The following TTC27 variants were observed in gnomAD, a reference collection of about 807,000 sequenced individuals.
TTC27 encodes the protein tetratricopeptide repeat protein 27.
TTC27 carries 79 observed loss-of-function variants against 115.9 expected under a neutral mutation model. That is an observed-to-expected ratio of 0.68 (90% confidence interval 0.57 to 0.82). The LOEUF (loss-of-function observed/expected upper bound fraction) is 0.82, where lower values mean the gene tolerates loss of function less well. Among genes scored for constraint, TTC27 ranks in the 40% least tolerant of loss-of-function variants. The probability of loss-of-function intolerance (pLI) is 0.00; values close to 1 mark genes in which losing one functional copy is unlikely to be tolerated. For missense variants in TTC27, 1,054 were observed against 993.1 expected (o/e 1.06, Z -0.82); for synonymous variants, 401 against 356.0 (o/e 1.13, Z -1.42).
chr2:32,683,536 G>A (rs1171302900), intron 9 of TTC27, among the ~76,000 whole-genome samples: 2 of 152,144 alleles, frequency 1.3e-5, no homozygotes, highest in Admixed American at 6.5e-5. Context: ...AATATGCTGG[G>A]AAAATGTTTT....
At chr2:32,767,065 C>T (rs1370119530) in intron 13 of TTC27, among the ~76,000 whole-genome samples, 3 of 152,180 alleles carry the variant, frequency 2.0e-5, no homozygotes, top group Non-Finnish European at 2.9e-5. Flanking sequence ...GGATTATAGG[C>T]GTCAGCCACC....
In TTC27 at chr2:32,628,315, T is replaced by C. The variant is rs377215248; in HGVS notation, c.23T>C (p.Ile8Thr). Reference protein sequence around the residue: MWTPELAILRGFPTEAER... With the variant: MWTPELATLRGFPTEAER... ...GTGATGTGGACCCCGGAGCTGGCAA[T>C]TCTGAGGGGATTCCCCACTGAGGCT... The change falls in exon 1 of 20, where the codon ATT becomes ACT. Residue 8 changes from isoleucine (I) to threonine (T), a missense_variant. Transcript: ENST00000317907. The C allele has an allele frequency of 2.5e-6, 4 of 1,607,452 alleles. No homozygotes were observed. The highest frequency in any genetic ancestry group is 3.4e-6 in the Non-Finnish European group (4 of 1,178,006).
At chr2:32,727,722 A>C (rs1668156800) in intron 10 of TTC27, among the ~76,000 whole-genome samples, 1 of 151,538 alleles carries the variant, frequency 6.6e-6, no homozygotes, top group African/African-American at 2.4e-5. Flanking sequence ...AGATGATGCC[A>C]CTCTTTTCAA....
intron 14 of TTC27, 111 bp from the exon 15 acceptor site, chr2:32,782,515 G>T (rs539674191): frequency 1.3e-5 from 9 of 717,554 alleles, no homozygotes; most frequent in East Asian, 2.6e-5. Context: ...ATTGAAAATT[G>T]TGGTTTTAAA....
intron 8 of TTC27, 48 bp from the exon 9 acceptor site, chr2:32,678,808 T>G (rs1349085431): frequency 7.2e-7 from 1 of 1,381,146 alleles, no homozygotes. Context: ...TTTCATTAGC[T>G]ACAACATGCA....
At chr2:32,712,834 A>C (rs1327233585) in intron 10 of TTC27, among the ~76,000 whole-genome samples, 1 of 152,176 alleles carries the variant, frequency 6.6e-6, no homozygotes, top group Non-Finnish European at 1.5e-5. Context: ...GGCATGAGAC[A>C]CTGCACCCAG....
chr2:32,628,534 C>A (rs779208619), intron 1 of TTC27, among the ~76,000 whole-genome samples, 154 bp downstream of exon 1: 3 of 152,084 alleles, frequency 2.0e-5, no homozygotes, highest in Admixed American at 1.3e-4. Context: ...ACATGGTGGG[C>A]GTGGTCCTCA....
chr2:32,656,944 A>G (rs1411080885), intron 5 of TTC27, among the ~76,000 whole-genome samples: 1 of 151,832 alleles, frequency 6.6e-6, no homozygotes, highest in Non-Finnish European at 1.5e-5. Context: ...ATTTTTAGGG[A>G]AGAATAGGAC....
chr2:32,659,483 T>A (rs1168558665), intron 5 of TTC27, among the ~76,000 whole-genome samples: 1 of 152,134 alleles, frequency 6.6e-6, no homozygotes, highest in African/African-American at 2.4e-5. Context: ...AAAATATGTT[T>A]AACTGTTGCA....
chr2:32,782,324 G>A (rs372575615), intron 14 of TTC27, among the ~76,000 whole-genome samples: 104 of 152,204 alleles, frequency 6.8e-4, no homozygotes, highest in African/African-American at 2.4e-3. Flanking sequence ...ATAAATCTAT[G>A]TACTATATAG....
intron 5 of TTC27, among the ~76,000 whole-genome samples, chr2:32,657,876 C>T (rs1314612426): frequency 6.6e-6 from 1 of 151,998 alleles, no homozygotes; most frequent in Non-Finnish European, 1.5e-5. Context: ...TTTGCTCAGG[C>T]TGGAGTGCAA....
rs538113153 is a variant in TTC27, at chr2:32,677,692, A to G, written c.1053-1164A>G. Among the ~76,000 whole-genome samples the G allele has an allele frequency of 7.8e-4, 119 of 152,180 alleles. 1 individual carries two copies. The highest frequency in any genetic ancestry group is 1.4e-3 in the Non-Finnish European group (98 of 67,998). On this transcript the variant is annotated intron_variant, in intron 8 of 19. Coordinates refer to ENST00000317907, the MANE Select transcript of TTC27 (RefSeq NM_017735.5). ...TCTCGATCTCTTGACCTCATGATTC[A>G]TTCGCCTGCCTCAGCCTCCCAAAGT...
chr2:32,647,102 A>G (rs1210582458), intron 4 of TTC27, among the ~76,000 whole-genome samples: 1 of 151,302 alleles, frequency 6.6e-6, no homozygotes, highest in African/African-American at 2.4e-5. Context: ...GCACCACCAC[A>G]CTCAGCTACC....
intron 11 of TTC27, 71 bp downstream of exon 11, chr2:32,733,994 T>C: frequency 9.6e-7 from 1 of 1,043,296 alleles, no homozygotes; most frequent in Non-Finnish European, 1.4e-6. Flanking sequence ...TATAAATTGA[T>C]GATTTTAATT....
chr2:32,705,748 C>G (rs1667346221), intron 10 of TTC27, among the ~76,000 whole-genome samples: 1 of 152,156 alleles, frequency 6.6e-6, no homozygotes, highest in South Asian at 2.1e-4. Flanking sequence ...CATACGAGGT[C>G]TCACTATGTT....
chr2:32,729,436 G>C (rs997687683), intron 10 of TTC27, among the ~76,000 whole-genome samples: 1 of 152,148 alleles, frequency 6.6e-6, no homozygotes, highest in Admixed American at 6.5e-5. Context: ...ATTCCATAGA[G>C]ATATCCCTTG....
At position 32,733,819 on chromosome 2, in the gene TTC27, T is replaced by C. The variant is rs200419134; in HGVS notation, c.1234-9T>C. On this transcript the variant is annotated splice_polypyrimidine_tract_variant and intron_variant, in intron 10 of 19. Transcript: ENST00000317907. ...ATATAGATTCTGATTGTGATATATG[T>C]CCTTTAAGGCTCTTGCAGACCAATT... The C allele has an allele frequency of 4.0e-5, 64 of 1,586,360 alleles. No homozygotes were observed. The highest frequency in any genetic ancestry group is 4.8e-5 in the Non-Finnish European group (56 of 1,160,686).
intron 8 of TTC27, among the ~76,000 whole-genome samples, chr2:32,672,796 G>C (rs779043419): frequency 6.6e-6 from 1 of 152,072 alleles, no homozygotes; most frequent in Non-Finnish European, 1.5e-5. Flanking sequence ...TTTCAAATTT[G>C]TGAAAAATGT....
intron 9 of TTC27, among the ~76,000 whole-genome samples, chr2:32,695,718 C>CA (rs66677186): frequency 1.3e-4 from 4 of 29,730 alleles, no homozygotes; most frequent in East Asian, 2.5e-3. Flanking sequence ...GGCTCTATCT[C>CA]AAAAAAAAAA....
Sources: gnomAD v4.1 joint callset for allele counts (sites outside exome capture counted in the v4.1 genomes callset) on GRCh38, gnomAD v4.1.1 for gene constraint, MANE v1.5 for transcripts, NCBI Gene and HGNC (gene_info 2026-07-23, HGNC 2026-07-21) for gene names.